CENPE: variants seen among roughly 807,000 people sequenced by gnomAD.
CENPE encodes the protein centromere-associated protein E.
A neutral mutation model predicts 336.1 loss-of-function variants in CENPE; 145 were observed. The observed-to-expected ratio is 0.43, with a 90% CI of 0.38 to 0.50. The LOEUF (loss-of-function observed/expected upper bound fraction) is 0.50, where lower values mean the gene tolerates loss of function less well. Ranked by LOEUF, CENPE falls within the 20% of genes least tolerant of loss-of-function variation. The pLI is 0.00. For missense variants in CENPE, 2,719 were observed against 3,023.3 expected (o/e 0.90, Z 2.36); for synonymous variants, 1,013 against 984.8 (o/e 1.03, Z -0.54).
intron 42 of CENPE, among the ~76,000 whole-genome samples, chr4:103,123,905 C>A (rs1273084919): frequency 6.6e-6 from 1 of 152,164 alleles, no homozygotes; most frequent in Non-Finnish European, 1.5e-5. Flanking sequence ...CTAGGTCATT[C>A]ATATTCCTTC....
Position 103,183,198 on chromosome 4 carries a change from T to C in CENPE, c.833+3A>G. 6.2e-7 allele frequency: 1 copy of C among 1,609,204 alleles called. No individual in the cohort carries two copies. The highest frequency in any genetic ancestry group is 1.1e-5 in the South Asian group (1 of 90,688). ...AGGTAAGTGCACAACGGGATAAACT[T>C]ACCCAACTTGTCCATCACTAAGTTT... On this transcript the variant is annotated splice_donor_region_variant and intron_variant, in intron 10 of 48. Transcript: ENST00000265148.
Position 103,132,840 on chromosome 4 carries a change from T to C in CENPE, c.6777A>G (p.Gln2259=), listed in dbSNP as rs1751709652. ...SEFPSIKTEF[Q]QVLSNRKEMT... ...TTTCTTTCCTATTACTTAGTACTTGTTGAAATTCAGTCTTTATGCTAGGGA... is the reference window on the plus strand; with the variant it reads ...TTTCTTTCCTATTACTTAGTACTTGCTGAAATTCAGTCTTTATGCTAGGGA... The change falls in exon 42 of 49, where the codon CAA becomes CAG. Residue 2259 remains glutamine, a synonymous_variant. Transcript: ENST00000265148. 9 of 1,571,346 alleles carry C rather than the reference T, an allele frequency of 5.7e-6. No homozygotes were observed. The highest frequency in any genetic ancestry group is 4.6e-5 in the East Asian group (2 of 43,146).
rs770026154 is a variant in CENPE, at chr4:103,149,358, C to T, written c.3447G>A (p.Glu1149=). 14 of 1,605,658 alleles carry T rather than the reference C, an allele frequency of 8.7e-6. No individual in the cohort carries two copies. Among genetic ancestry groups the T allele is most frequent in the Admixed American group, 5.1e-5 (3 of 58,596 alleles). Residue 1149 remains glutamate, a synonymous_variant, in exon 27 of 49, where the codon GAG becomes GAA. Coordinates refer to ENST00000265148, the MANE Select transcript of CENPE (RefSeq NM_001813.3). ...KQQQLLNVQE[E]MSEMQKKINE... ...TAATCTTTTTCTGCATCTCACTCAT[C>T]TCTTCTTGTACATTAAGAAGTTGTT...
At chr4:103,153,665 T>C (rs1443305459) in intron 24 of CENPE, among the ~76,000 whole-genome samples, 1 of 152,182 alleles carries the variant, frequency 6.6e-6, no homozygotes, top group Non-Finnish European at 1.5e-5. Flanking sequence ...ATATCTGCCT[T>C]TAGTTTGTAC....
At chr4:103,113,486 TTA>T (rs1453359359) in intron 46 of CENPE, among the ~76,000 whole-genome samples, 15 of 141,246 alleles carry the variant, frequency 1.1e-4, no homozygotes, top group East Asian at 4.0e-4. Flanking sequence ...TATATATTAC[TTA>T]TATATGTTAT....
rs777495974 is a variant in CENPE, at chr4:103,122,888, T to C, written c.7126A>G (p.Thr2376Ala). 9 of 1,612,606 alleles carry C rather than the reference T, an allele frequency of 5.6e-6. No individual in the cohort carries two copies. The highest frequency in any genetic ancestry group is 7.6e-6 in the Non-Finnish European group (9 of 1,178,642). ...TTATATACCTCTGTGGTTAACTGTG[T>C]AGCTCTTGATGTAACATGAGGATTC... ...NKNPHVTSRA[T>A]QLTTEKIREL... Residue 2376 changes from threonine (T) to alanine (A), a missense_variant, in exon 43 of 49, where the codon ACA becomes GCA. Thr to Ala is a moderately conservative substitution (Grantham distance 58, BLOSUM62 0). Transcript: ENST00000265148.
chr4:103,117,641 T>C (rs1282837902), intron 44 of CENPE, among the ~76,000 whole-genome samples: 4 of 150,070 alleles, frequency 2.7e-5, no homozygotes, highest in Non-Finnish European at 5.9e-5. Flanking sequence ...TTTTTTTTTT[T>C]TTTTAAGACA....
chr4:103,151,116 G>T, intron 26 of CENPE, 103 bp downstream of exon 26: 2 of 976,142 alleles, frequency 2.0e-6, no homozygotes, highest in Non-Finnish European at 3.1e-6. Flanking sequence ...TGTTCATTTG[G>T]GAGGTATGTG....
At chr4:103,170,179 T>C (rs754538125) in intron 16 of CENPE, among the ~76,000 whole-genome samples, 1 of 152,170 alleles carries the variant, frequency 6.6e-6, no homozygotes, top group Non-Finnish European at 1.5e-5. Flanking sequence ...AAATACCTAA[T>C]GTTAAATGAC....
In CENPE at chr4:103,144,349, A is replaced by G. The variant is rs1752828120; in HGVS notation, c.5127T>C (p.Leu1709=). Residue 1709 remains leucine, a synonymous_variant, in exon 33 of 49, where the codon CTT becomes CTC. Transcript: ENST00000265148. ...AACTCACTCTAGTTATAGTTTCTCT[A>G]AGGTTTTCCTTGAGCTGGTCTCTCT... ...KVERDQLKEN[L]RETITRDLEK... The G allele has an allele frequency of 1.2e-6, 2 of 1,606,862 alleles. No individual in the cohort carries two copies. Among genetic ancestry groups the G allele is most frequent in the Non-Finnish European group, 8.5e-7 (1 of 1,177,868 alleles).
intron 12 of CENPE, among the ~76,000 whole-genome samples, 200 bp from the exon 13 acceptor site, chr4:103,180,669 A>G (rs1756254867): frequency 6.6e-6 from 1 of 152,200 alleles, no homozygotes; most frequent in Non-Finnish European, 1.5e-5. Context: ...ACAATAAAAT[A>G]CACATTTCTT....
chr4:103,140,325 T>C lies in CENPE; in HGVS notation c.5844A>G (p.Ser1948=), dbSNP rs1194314782. ...TGTCTGAAATTTGAATTGTCTTTTC[T>C]GAAATTTTTTCTCTAAGTTTATCAA... is the stretch of plus-strand genomic sequence containing the variant. ...ETVDKLREKI[S]EKTIQISDIQ... Residue 1948 remains serine (S), a synonymous_variant, in exon 37 of 49, where the codon TCA becomes TCG. Coordinates refer to ENST00000265148, the MANE Select transcript of CENPE (RefSeq NM_001813.3). 1.2e-6 allele frequency: 2 copies of C among 1,606,314 alleles called. No individual in the cohort carries two copies. The highest frequency in any genetic ancestry group is 2.7e-5 in the African/African-American group (2 of 74,734).
intron 40 of CENPE, among the ~76,000 whole-genome samples, chr4:103,135,695 T>C (rs1752006544): frequency 6.6e-6 from 1 of 152,188 alleles, no homozygotes; most frequent in South Asian, 2.1e-4. Flanking sequence ...AGTACCTAAG[T>C]GGTAATCAGA....
intron 16 of CENPE, among the ~76,000 whole-genome samples, chr4:103,167,171 T>C (rs567119639): frequency 6.6e-6 from 1 of 152,242 alleles, no homozygotes; most frequent in Non-Finnish European, 1.5e-5. Context: ...GAAAAAGAAA[T>C]CCATTAATAT....
At chr4:103,177,334 G>T (rs1755956424) in intron 13 of CENPE, among the ~76,000 whole-genome samples, 1 of 151,638 alleles carries the variant, frequency 6.6e-6, no homozygotes, top group African/African-American at 2.4e-5. Flanking sequence ...ACCTTACCCA[G>T]CTGCTGTCCT....
chr4:103,178,794 G>C (rs1454001261), intron 13 of CENPE, among the ~76,000 whole-genome samples: 2 of 152,060 alleles, frequency 1.3e-5, no homozygotes, highest in Non-Finnish European at 2.9e-5. Context: ...AGCTAAACCT[G>C]GGCTGCTTTA....
intron 45 of CENPE, chr4:103,116,366 A>C (rs1750110780): frequency 3.2e-6 from 1 of 316,648 alleles, no homozygotes; most frequent in Non-Finnish European, 5.8e-6. Context: ...ACAGCGTGTT[A>C]ATTGATCAGA....
chr4:103,152,311 AAAC>A (rs1753631639), intron 25 of CENPE, among the ~76,000 whole-genome samples: 1 of 152,212 alleles, frequency 6.6e-6, no homozygotes, highest in African/African-American at 2.4e-5. Flanking sequence ...AGGCAAATTA[AAAC>A]AACAGTCTGC....
chr4:103,170,296 A>ACAACAG (rs1022062633), intron 16 of CENPE, among the ~76,000 whole-genome samples: 6 of 152,174 alleles, frequency 3.9e-5, no homozygotes, highest in African/African-American at 1.4e-4. Flanking sequence ...AACAACAACA[A>ACAACAG]CAACAACAAA....
Sources: allele counts gnomAD v4.1 joint callset (sites outside exome capture counted in the v4.1 genomes callset), GRCh38; gene constraint gnomAD v4.1.1; transcripts MANE v1.5; gene names NCBI Gene and HGNC (gene_info 2026-07-23, HGNC 2026-07-21).